LAMA2: variants seen among roughly 807,000 people sequenced by gnomAD.
LAMA2 encodes the protein laminin subunit alpha 2.
Under a neutral mutation model 364.8 loss-of-function variants are expected in LAMA2, and 269 were observed. The ratio of observed to expected loss-of-function variants is 0.74; its 90% CI spans 0.67 to 0.82. The LOEUF (loss-of-function observed/expected upper bound fraction) is 0.82. Ranked by LOEUF, LAMA2 falls within the 40% of genes least tolerant of loss-of-function variation. LAMA2 has a pLI of 0.00. For synonymous variants in LAMA2, 1,379 were observed against 1,370.6 expected (o/e 1.01, Z -0.14); for missense variants, 3,807 against 3,873.2 (o/e 0.98, Z 0.45).
intron 22 of LAMA2, among the ~76,000 whole-genome samples, chr6:129,303,351 T>C (rs1773666570): frequency 1.3e-5 from 2 of 152,174 alleles, no homozygotes; most frequent in Non-Finnish European, 2.9e-5. Context: ...TTTAGTGAGA[T>C]TTTCTTGTAG....
chr6:129,261,530 G>T (rs1453557176), intron 15 of LAMA2, among the ~76,000 whole-genome samples: 1 of 152,032 alleles, frequency 6.6e-6, no homozygotes, highest in Non-Finnish European at 1.5e-5. Flanking sequence ...TTGAAACCTG[G>T]TCAAAAAATG....
chr6:129,433,244 AG>A (rs1781684996), intron 41 of LAMA2, among the ~76,000 whole-genome samples: 1 of 109,530 alleles, frequency 9.1e-6, no homozygotes, highest in Admixed American at 8.4e-5. Context: ...AGAAAATTGG[AG>A]GGATTTTTTC....
intron 1 of LAMA2, among the ~76,000 whole-genome samples, chr6:128,972,088 G>A (rs2114618653): frequency 6.6e-6 from 1 of 152,264 alleles, no homozygotes; most frequent in African/African-American, 2.4e-5. Flanking sequence ...GTGTGAGAGG[G>A]GAGACCAGCC....
At chr6:129,347,966 C>T (rs1308834698) in intron 30 of LAMA2, among the ~76,000 whole-genome samples, 1 of 152,112 alleles carries the variant, frequency 6.6e-6, no homozygotes, top group Non-Finnish European at 1.5e-5. Flanking sequence ...ATCATACTGG[C>T]TCTTTAGAGT....
intron 62 of LAMA2, among the ~76,000 whole-genome samples, chr6:129,508,991 T>C (rs551003256): frequency 6.6e-6 from 1 of 152,322 alleles, no homozygotes; most frequent in South Asian, 2.1e-4. Flanking sequence ...GGTTCTCTTT[T>C]CTCCACATCC....
chr6:129,264,583 T>C (rs1334768993), intron 15 of LAMA2, among the ~76,000 whole-genome samples: 2 of 152,074 alleles, frequency 1.3e-5, no homozygotes. Flanking sequence ...GTGCAATTGA[T>C]TTAAAAAAGA....
intron 9 of LAMA2, among the ~76,000 whole-genome samples, chr6:129,169,168 A>C (rs1001228908): frequency 2.7e-5 from 4 of 150,138 alleles, no homozygotes; most frequent in Non-Finnish European, 4.4e-5. Flanking sequence ...TCTCCTGCCT[A>C]ATTGCCCTGG....
chr6:129,173,102 C>G (rs1455876969), intron 9 of LAMA2, among the ~76,000 whole-genome samples: 1 of 152,206 alleles, frequency 6.6e-6, no homozygotes, highest in African/African-American at 2.4e-5. Flanking sequence ...AACCCGGTAC[C>G]TCAGATGGAA....
intron 1 of LAMA2, among the ~76,000 whole-genome samples, chr6:128,885,181 G>A (rs13201013): frequency 0.095 from 14,424 of 152,096 alleles, 714 homozygotes; most frequent in South Asian, 0.12. Flanking sequence ...ATATATTATT[G>A]TCTTTGTCAT....
intron 4 of LAMA2, among the ~76,000 whole-genome samples, chr6:129,099,125 G>GTTTTTTTTTTTTTT (rs370334822): frequency 1.2e-4 from 15 of 129,792 alleles, no homozygotes; most frequent in Admixed American, 1.6e-4. Flanking sequence ...TTTTTTTTTT[G>GTTTTTTTTTTTTTT]TTTTTTTTTT....
intron 14 of LAMA2, among the ~76,000 whole-genome samples, chr6:129,258,766 A>G (rs565797059): frequency 6.6e-6 from 1 of 152,212 alleles, no homozygotes; most frequent in South Asian, 2.1e-4. Flanking sequence ...TAATGACAAG[A>G]AAAGTAAATG....
intron 7 of LAMA2, 110 bp from the exon 8 acceptor site, chr6:129,154,395 C>A: frequency 1.0e-6 from 1 of 973,118 alleles, no homozygotes; most frequent in East Asian, 2.7e-5. Context: ...GCCTGGGCGA[C>A]AGAGTGAGAC....
intron 7 of LAMA2, among the ~76,000 whole-genome samples, chr6:129,151,959 A>C (rs775836140): frequency 6.6e-6 from 1 of 152,196 alleles, no homozygotes; most frequent in African/African-American, 2.4e-5. Context: ...ATTGATTACT[A>C]TGTGTTCCCT....
rs1348182808 is a variant in LAMA2 at position 129,439,840 on chromosome 6, ATATATATATC to A, written c.6086-972_6086-963del. Among the ~76,000 whole-genome samples, 9 of 140,702 alleles carry A rather than the reference ATATATATATC, an allele frequency of 6.4e-5. 1 individual carries two copies. The highest frequency in any genetic ancestry group is 7.4e-5 in the Non-Finnish European group (5 of 67,160). The allele number at this position is 140,702 out of a possible 152,430, so 92.3% of individuals were successfully genotyped here. On this transcript the variant is annotated intron_variant, in intron 42 of 64. Transcript: ENST00000421865. ...ATCAATTGGTCATATATATATATATATATATATATCTATCTCAATTGGTTATATAGATAAC... is the reference window on the plus strand; with the variant it reads ...ATCAATTGGTCATATATATATATATATATCTCAATTGGTTATATAGATAAC...
chr6:129,124,762 G>A (rs1192156752), intron 4 of LAMA2, among the ~76,000 whole-genome samples: 1 of 152,102 alleles, frequency 6.6e-6, no homozygotes, highest in East Asian at 1.9e-4. Context: ...TTTATTAATA[G>A]TATATTCACA....
chr6:129,276,508 G>T (rs1310182042), intron 17 of LAMA2, among the ~76,000 whole-genome samples: 1 of 152,094 alleles, frequency 6.6e-6, no homozygotes, highest in Non-Finnish European at 1.5e-5. Flanking sequence ...TTAACTCTCT[G>T]TGGGAGCATT....
chr6:128,959,701 C>T (rs1383891563), intron 1 of LAMA2, among the ~76,000 whole-genome samples: 1 of 152,102 alleles, frequency 6.6e-6, no homozygotes, highest in Non-Finnish European at 1.5e-5. Context: ...ACTGCCCCTG[C>T]CCACTGCCAT....
At chr6:129,030,699 A>G (rs985261328) in intron 1 of LAMA2, among the ~76,000 whole-genome samples, 9 of 152,120 alleles carry the variant, frequency 5.9e-5, no homozygotes, top group Admixed American at 2.6e-4. Context: ...GAGTTTGTTT[A>G]TTTTAGAAGA....
chr6:129,151,032 T>C (rs1365477026), intron 7 of LAMA2, among the ~76,000 whole-genome samples: 1 of 152,200 alleles, frequency 6.6e-6, no homozygotes, highest in Non-Finnish European at 1.5e-5. Context: ...AACAACAGTT[T>C]CATATGATAT....
Sources: allele counts gnomAD v4.1 joint callset (sites outside exome capture counted in the v4.1 genomes callset), GRCh38; gene constraint gnomAD v4.1.1; transcripts MANE v1.5; gene names NCBI Gene and HGNC (gene_info 2026-07-23, HGNC 2026-07-21).